Variants in TBC1D9 observed in about 807,000 individuals in gnomAD.
TBC1D9 encodes TBC1 domain family member 9A.
A neutral mutation model predicts 132.0 loss-of-function variants in TBC1D9; 63 were observed. The observed-to-expected ratio is 0.48, with a 90% CI of 0.39 to 0.59. TBC1D9 has a LOEUF of 0.59. Ranked by LOEUF, TBC1D9 falls within the 20% of genes least tolerant of loss-of-function variation. The pLI, the probability that TBC1D9 is intolerant of heterozygous loss-of-function variation, is 0.00. For synonymous variants in TBC1D9, 610 were observed against 609.9 expected (o/e 1.00, Z 0.00); for missense variants, 1,261 against 1,592.7 (o/e 0.79, Z 3.54).
At chr4:140,728,441 A>G (rs950498413) in intron 1 of TBC1D9, among the ~76,000 whole-genome samples, 45 of 151,090 alleles carry the variant, frequency 3.0e-4, no homozygotes, top group African/African-American at 1.0e-3. Context: ...AAAACTTTCA[A>G]TTAATTTAAG....
intron 2 of TBC1D9, among the ~76,000 whole-genome samples, chr4:140,691,187 T>C (rs1480816557): frequency 6.6e-6 from 1 of 152,246 alleles, no homozygotes; most frequent in South Asian, 2.1e-4. Context: ...AAAATACTTC[T>C]GGAAGCAGGT....
At chr4:140,662,870 A>C (rs1172259825) in intron 9 of TBC1D9, among the ~76,000 whole-genome samples, 1 of 152,230 alleles carries the variant, frequency 6.6e-6, no homozygotes, top group African/African-American at 2.4e-5. Flanking sequence ...AAGAATGAAA[A>C]TGAACTCTTT....
At chr4:140,630,693 T>C (rs962953296) in intron 16 of TBC1D9, among the ~76,000 whole-genome samples, 5 of 152,224 alleles carry the variant, frequency 3.3e-5, no homozygotes, top group Non-Finnish European at 7.3e-5. Context: ...CTGCCTATCA[T>C]AATTTTTAAA....
At chr4:140,740,509 T>G (rs958466698) in intron 1 of TBC1D9, among the ~76,000 whole-genome samples, 4 of 152,202 alleles carry the variant, frequency 2.6e-5, no homozygotes, top group Admixed American at 2.0e-4. Context: ...CTTTACTCGC[T>G]CTTTCTCTTC....
In TBC1D9 at chr4:140,737,994, G is replaced by A. The variant is rs533063257; in HGVS notation, c.130+17922C>T. 2.2e-3 allele frequency among the ~76,000 whole-genome samples: 333 copies of A among 152,208 alleles called. 1 individual carries two copies. The highest frequency in any genetic ancestry group is 0.017 in the Middle Eastern group (5 of 294). On this transcript the variant is annotated intron_variant, in intron 1 of 20. Transcript: ENST00000442267. ...TCAAGTACTGCTAAAAGAAAAAATCGATTTGGGAGCCAACGTTGTAATGAT... is the reference window on the plus strand; with the variant it reads ...TCAAGTACTGCTAAAAGAAAAAATCAATTTGGGAGCCAACGTTGTAATGAT...
intron 1 of TBC1D9, among the ~76,000 whole-genome samples, chr4:140,753,027 T>C (rs1357130915): frequency 6.6e-6 from 1 of 152,160 alleles, no homozygotes; most frequent in Non-Finnish European, 1.5e-5. Context: ...TTCCCTCCTC[T>C]CCTCACAGGC....
intron 1 of TBC1D9, among the ~76,000 whole-genome samples, chr4:140,725,401 G>A (rs1230771116): frequency 6.6e-6 from 1 of 152,126 alleles, no homozygotes; most frequent in Non-Finnish European, 1.5e-5. Context: ...AGCCAACCTG[G>A]AGATTCATTC....
At chr4:140,747,807 G>C (rs1473865663) in intron 1 of TBC1D9, among the ~76,000 whole-genome samples, 1 of 152,178 alleles carries the variant, frequency 6.6e-6, no homozygotes, top group East Asian at 1.9e-4. Context: ...TTCCTCTTTG[G>C]GTTGGGACGA....
chr4:140,675,610 CAAT>C (rs1737611581), intron 6 of TBC1D9, among the ~76,000 whole-genome samples: 1 of 152,262 alleles, frequency 6.6e-6, no homozygotes, highest in East Asian at 1.9e-4. Context: ...CACCCCAGAA[CAAT>C]AATAATGTTT....
chr4:140,701,496 T>C lies in TBC1D9; in HGVS notation c.241+8A>G. On this transcript the variant is annotated splice_region_variant and intron_variant, in intron 2 of 20. Transcript: ENST00000442267. ...AAAACTTGTGTATTTCTGGATGTGGTTGCTTACCACAGGCGATGGTCCAGT... is the reference window on the plus strand; with the variant it reads ...AAAACTTGTGTATTTCTGGATGTGGCTGCTTACCACAGGCGATGGTCCAGT... 1.9e-6 allele frequency: 3 copies of C among 1,608,530 alleles called. No individual in the cohort carries two copies. The highest frequency in any genetic ancestry group is 2.6e-6 in the Non-Finnish European group (3 of 1,175,186).
chr4:140,651,825 GA>G (rs1737191559), intron 13 of TBC1D9, among the ~76,000 whole-genome samples: 1 of 152,182 alleles, frequency 6.6e-6, no homozygotes. Context: ...TGGGTTAAAG[GA>G]AATGTATTAT....
intron 1 of TBC1D9, among the ~76,000 whole-genome samples, chr4:140,723,926 A>T (rs1005033015): frequency 3.3e-5 from 5 of 152,060 alleles, no homozygotes; most frequent in African/African-American, 9.7e-5. Flanking sequence ...TTTATTTTAT[A>T]GAGACAAAGT....
At chr4:140,728,926 C>T (rs920488169) in intron 1 of TBC1D9, among the ~76,000 whole-genome samples, 1 of 151,976 alleles carries the variant, frequency 6.6e-6, no homozygotes, top group African/African-American at 2.4e-5. Flanking sequence ...AGCCTCCCAA[C>T]GTGCTGGGAT....
intron 1 of TBC1D9, among the ~76,000 whole-genome samples, chr4:140,701,835 G>T (rs1235354530): frequency 7.4e-6 from 1 of 135,372 alleles, no homozygotes; most frequent in African/African-American, 2.7e-5. Context: ...GATTCAGTCT[G>T]CCAGGCTGCC....
At chr4:140,707,159 G>C (rs1560891702) in intron 1 of TBC1D9, among the ~76,000 whole-genome samples, 1 of 151,938 alleles carries the variant, frequency 6.6e-6, no homozygotes, top group Non-Finnish European at 1.5e-5. Context: ...AATCTCTAGA[G>C]TGAGAAATGG....
At chr4:140,714,049 G>A (rs1415077853) in intron 1 of TBC1D9, among the ~76,000 whole-genome samples, 2 of 152,204 alleles carry the variant, frequency 1.3e-5, no homozygotes, top group Non-Finnish European at 2.9e-5. Context: ...AGCCTGGGGG[G>A]CTGAAGAGGT....
At chr4:140,654,474 T>TG (rs60769293) in intron 13 of TBC1D9, among the ~76,000 whole-genome samples, 34,116 of 118,048 alleles carry the variant, frequency 0.29, 4,246 homozygotes, top group Non-Finnish European at 0.31. Flanking sequence ...AAGAAAGGGG[T>TG]GGGGGGGGGT....
intron 2 of TBC1D9, chr4:140,700,832 A>G (rs1738057751): frequency 1.3e-5 from 2 of 152,446 alleles, no homozygotes; most frequent in South Asian, 4.1e-4. Context: ...AAAAAAAAAA[A>G]AATTAAGACT....
chr4:140,683,156 G>A (rs1737731098), intron 3 of TBC1D9, among the ~76,000 whole-genome samples: 1 of 152,174 alleles, frequency 6.6e-6, no homozygotes, highest in Non-Finnish European at 1.5e-5. Flanking sequence ...GGGATTACAG[G>A]TGTGAGCCAC....
Sources: allele counts gnomAD v4.1 joint callset (sites outside exome capture counted in the v4.1 genomes callset), GRCh38; gene constraint gnomAD v4.1.1; transcripts MANE v1.5; gene names NCBI Gene and HGNC (gene_info 2026-07-23, HGNC 2026-07-21).